The following PDE4D variants were observed in gnomAD, a reference collection of about 807,000 sequenced individuals.
The protein encoded by PDE4D is phosphodiesterase 4D, also known as 3',5'-cyclic-AMP phosphodiesterase 4D.
A neutral mutation model predicts 87.4 loss-of-function variants in PDE4D; 24 were observed. The ratio of observed to expected loss-of-function variants is 0.27; its 90% confidence interval spans 0.20 to 0.39. The LOEUF is 0.39. PDE4D is among the 10% of genes least tolerant of loss of function. PDE4D has a pLI of 1.00. For missense variants in PDE4D, 714 were observed against 1,041.0 expected, an observed-to-expected ratio of 0.69 and a Z score of 4.32; for synonymous variants, 384 against 383.2, an observed-to-expected ratio of 1.00 and a Z score of -0.02.
At chr5:59,630,919 GT>G (rs971592220) in intron 1 of PDE4D, among the ~76,000 whole-genome samples, 6 of 151,590 alleles carry the variant, frequency 4.0e-5, no homozygotes, top group Non-Finnish European at 7.4e-5. Flanking sequence ...CTGACGCTCG[GT>G]TTTTTTTCCC....
chr5:59,377,280 G>C, intron 1 of PDE4D, among the ~76,000 whole-genome samples: 1 of 152,018 alleles, frequency 6.6e-6, no homozygotes, highest in East Asian at 1.9e-4. Context: ...AGCTGGGCGT[G>C]GTGGCGGGCG....
At chr5:60,216,968 A>G (rs1490638464) in intron 1 of PDE4D, among the ~76,000 whole-genome samples, 2 of 152,108 alleles carry the variant, frequency 1.3e-5, no homozygotes, top group Non-Finnish European at 2.9e-5. Context: ...CTACCCAACA[A>G]TAACATCATA....
chr5:59,004,450 G>A (rs548072570), intron 6 of PDE4D, among the ~76,000 whole-genome samples: 9 of 152,228 alleles, frequency 5.9e-5, no homozygotes, highest in African/African-American at 2.2e-4. Context: ...CTTATGGGGA[G>A]AATTACCACA....
chr5:59,792,439 T>TGTGTGTGTGTGTGTGTG (rs1561669604), intron 1 of PDE4D, among the ~76,000 whole-genome samples: 36 of 150,248 alleles, frequency 2.4e-4, no homozygotes, highest in African/African-American at 8.2e-4. Context: ...TGTGTGTGTG[T>TGTGTGTGTGTGTGTGTG]TTTGAGGAAG....
intron 3 of PDE4D, among the ~76,000 whole-genome samples, chr5:59,973,592 A>C (rs1049848346): frequency 2.0e-5 from 3 of 152,284 alleles, no homozygotes; most frequent in Middle Eastern, 3.4e-3. Flanking sequence ...GTGGATATTG[A>C]ACAGAACATA....
At chr5:59,010,860 C>A (rs1008587304) in intron 6 of PDE4D, among the ~76,000 whole-genome samples, 3 of 152,120 alleles carry the variant, frequency 2.0e-5, no homozygotes, top group African/African-American at 4.8e-5. Flanking sequence ...GGTCCCTGAC[C>A]CCCGAGTAGC....
At chr5:60,376,649 G>A (rs1011456469) in intron 1 of PDE4D, among the ~76,000 whole-genome samples, 2 of 152,204 alleles carry the variant, frequency 1.3e-5, no homozygotes, top group African/African-American at 4.8e-5. Context: ...CTCTGGTGAT[G>A]TGATCCTGGT....
At chr5:60,156,250 C>T (rs1223026766) in intron 2 of PDE4D, among the ~76,000 whole-genome samples, 2 of 152,152 alleles carry the variant, frequency 1.3e-5, no homozygotes, top group Non-Finnish European at 2.9e-5. Flanking sequence ...TTTGAATATC[C>T]TTTATTAGTC....
intron 8 of PDE4D, 81 bp downstream of exon 8, chr5:58,991,751 T>A (rs1747975774): frequency 1.1e-5 from 10 of 880,510 alleles, no homozygotes; most frequent in African/African-American, 1.7e-5. Context: ...AACTTTTCTA[T>A]CCATTTAAAA....
intron 1 of PDE4D, among the ~76,000 whole-genome samples, chr5:60,468,330 G>T (rs568483977): frequency 6.6e-6 from 1 of 151,814 alleles, no homozygotes; most frequent in East Asian, 1.9e-4. Flanking sequence ...ATAAAGATGG[G>T]ATTTTACCAT....
chr5:59,911,739 G>T (rs1753461311), intron 3 of PDE4D, among the ~76,000 whole-genome samples: 1 of 152,146 alleles, frequency 6.6e-6, no homozygotes, highest in African/African-American at 2.4e-5. Context: ...AATTAGAGCT[G>T]TCTTACTGAG....
intron 5 of PDE4D, among the ~76,000 whole-genome samples, chr5:59,040,638 T>A (rs1759526556): frequency 6.6e-6 from 1 of 152,210 alleles, no homozygotes; most frequent in Non-Finnish European, 1.5e-5. Context: ...TGGGAGAACT[T>A]TTCTACATTA....
intron 3 of PDE4D, among the ~76,000 whole-genome samples, chr5:59,928,912 T>C (rs1036539652): frequency 2.0e-5 from 3 of 150,232 alleles, no homozygotes; most frequent in African/African-American, 7.4e-5. Context: ...TATTAGATCA[T>C]ATATATATCC....
At chr5:59,588,173 G>A (rs1040971017) in intron 1 of PDE4D, among the ~76,000 whole-genome samples, 3 of 152,096 alleles carry the variant, frequency 2.0e-5, no homozygotes, top group East Asian at 1.9e-4. Flanking sequence ...TTGATTAGGG[G>A]GTGTGTAGAT....
At chr5:59,212,903 C>A (rs537023890) in intron 2 of PDE4D, among the ~76,000 whole-genome samples, 3 of 151,862 alleles carry the variant, frequency 2.0e-5, no homozygotes, top group African/African-American at 7.2e-5. Flanking sequence ...CTTTTTTGAT[C>A]TGCATAGTGG....
At chr5:60,402,410 A>T (rs1227707501) in intron 1 of PDE4D, among the ~76,000 whole-genome samples, 1 of 152,190 alleles carries the variant, frequency 6.6e-6, no homozygotes, top group East Asian at 1.9e-4. Flanking sequence ...ACATGAGACA[A>T]TGTGTGTGAA....
At chr5:59,488,568 GCAAA>G (rs1299366738) in intron 1 of PDE4D, among the ~76,000 whole-genome samples, 49 of 151,990 alleles carry the variant, frequency 3.2e-4, no homozygotes, top group Non-Finnish European at 1.3e-4. Flanking sequence ...ACTGTGCTTA[GCAAA>G]CAGTTACTTA....
intron 1 of PDE4D, among the ~76,000 whole-genome samples, chr5:59,491,849 G>A (rs961791555): frequency 6.6e-6 from 1 of 152,150 alleles, no homozygotes; most frequent in African/African-American, 2.4e-5. Context: ...ATTTTAGGTT[G>A]CCCAGGCAAG....
intron 6 of PDE4D, 107 bp from the exon 7 acceptor site, chr5:58,993,572 G>A (rs1748425759): frequency 1.5e-6 from 1 of 675,054 alleles, no homozygotes; most frequent in Non-Finnish European, 2.5e-6. Flanking sequence ...TTTTTAAGTT[G>A]TCCTGACAAT....
Sources: allele counts gnomAD v4.1 joint callset (sites outside exome capture counted in the v4.1 genomes callset), GRCh38; gene constraint gnomAD v4.1.1; transcripts MANE v1.5; gene names NCBI Gene and HGNC (gene_info 2026-07-23, HGNC 2026-07-21).